DIP2C: variants seen among roughly 807,000 people sequenced by gnomAD.
DIP2C encodes DIP2 acetate--CoA ligase C (putative), also known as disco-interacting protein 2 homolog C.
In DIP2C, 33 loss-of-function variants were observed where a neutral mutation model predicts 192.4. That is an observed-to-expected ratio of 0.17 (90% CI 0.13 to 0.23). The LOEUF (loss-of-function observed/expected upper bound fraction) is 0.23. DIP2C is among the 10% of genes least tolerant of loss of function. The probability of loss-of-function intolerance (pLI) is 1.00; values close to 1 mark genes in which losing one functional copy is unlikely to be tolerated. For missense variants in DIP2C, 1,537 were observed against 2,110.1 expected (o/e 0.73, Z 5.32); for synonymous variants, 979 against 864.1 (o/e 1.13, Z -2.33).
At chr10:489,601 A>G (rs145472675) in intron 1 of DIP2C, among the ~76,000 whole-genome samples, 3,246 of 138,490 alleles carry the variant, frequency 0.023, 97 homozygotes, top group African/African-American at 0.077. Flanking sequence ...CTAGGGACAC[A>G]GTGGCTCTGA....
chr10:458,719 G>GC (rs1383418486), intron 3 of DIP2C, among the ~76,000 whole-genome samples: 5 of 150,552 alleles, frequency 3.3e-5, no homozygotes, highest in African/African-American at 1.2e-4. Context: ...ACCCATGACA[G>GC]CAAGGAGGAT....
chr10:321,429 C>G (rs945341567), intron 31 of DIP2C, among the ~76,000 whole-genome samples: 5 of 152,270 alleles, frequency 3.3e-5, no homozygotes, highest in African/African-American at 7.2e-5. Context: ...CTCTTTTGGA[C>G]AATGTTCTTT....
At chr10:536,611 G>C (rs1291973682) in intron 1 of DIP2C, among the ~76,000 whole-genome samples, 1 of 152,206 alleles carries the variant, frequency 6.6e-6, no homozygotes, top group Non-Finnish European at 1.5e-5. Flanking sequence ...TTTAATACCA[G>C]GAGCCGGACA....
intron 1 of DIP2C, among the ~76,000 whole-genome samples, chr10:494,448 C>T (rs1844669346): frequency 6.6e-6 from 1 of 152,244 alleles, no homozygotes; most frequent in South Asian, 2.1e-4. Context: ...CACCCAGAGT[C>T]TGACTTTAAG....
At chr10:481,134 C>A (rs190145106) in intron 2 of DIP2C, among the ~76,000 whole-genome samples, 1 of 152,208 alleles carries the variant, frequency 6.6e-6, no homozygotes, top group Non-Finnish European at 1.5e-5. Flanking sequence ...GAATACGGAC[C>A]CACTGCGCAC....
chr10:636,542 C>T lies in DIP2C; in HGVS notation c.85+52952G>A, dbSNP rs1854855988. Among the ~76,000 whole-genome samples the T allele has an allele frequency of 6.6e-6, 1 of 152,186 alleles. No individual in the cohort carries two copies. The highest frequency in any genetic ancestry group is 1.9e-4 in the East Asian group (1 of 5,188). On this transcript the variant is annotated intron_variant, in intron 1 of 36. Transcript: ENST00000280886. The surrounding 1 kb of genome is among the most constrained non-coding windows in gnomAD (Gnocchi z 4.6). ...TTCCCTAAGAATAAAGGACCCTCTGCAGCCGCAGAACCATCATCGGCAGAC... is the reference window on the plus strand; with the variant it reads ...TTCCCTAAGAATAAAGGACCCTCTGTAGCCGCAGAACCATCATCGGCAGAC...
chr10:408,059 T>C (rs1964932514), intron 9 of DIP2C, among the ~76,000 whole-genome samples: 1 of 151,976 alleles, frequency 6.6e-6, no homozygotes, highest in Non-Finnish European at 1.5e-5. Context: ...TATGTTTTCT[T>C]CTAGGTTTTG....
intron 1 of DIP2C, among the ~76,000 whole-genome samples, chr10:549,326 C>G (rs1848470475): frequency 6.6e-6 from 1 of 152,194 alleles, no homozygotes; most frequent in Non-Finnish European, 1.5e-5. Context: ...ACACAGCACC[C>G]TTTGGAGCAG....
At chr10:521,708 T>C (rs1202709294) in intron 1 of DIP2C, among the ~76,000 whole-genome samples, 2 of 152,244 alleles carry the variant, frequency 1.3e-5, no homozygotes, top group African/African-American at 4.8e-5. Context: ...ATCCTGAATG[T>C]AGAACACAGG....
At chr10:548,631 G>A (rs951783435) in intron 1 of DIP2C, among the ~76,000 whole-genome samples, 1 of 150,230 alleles carries the variant, frequency 6.7e-6, no homozygotes, top group Non-Finnish European at 1.5e-5. Flanking sequence ...TGGTGTGGTG[G>A]GGGGAGGAGA....
intron 1 of DIP2C, among the ~76,000 whole-genome samples, chr10:629,177 G>A (rs1338524847): frequency 6.6e-6 from 1 of 152,228 alleles, no homozygotes; most frequent in African/African-American, 2.4e-5. Flanking sequence ...TGGCGGTGGA[G>A]ACACACGGTT....
At chr10:555,173 A>C (rs1022382488) in intron 1 of DIP2C, among the ~76,000 whole-genome samples, 1 of 147,412 alleles carries the variant, frequency 6.8e-6, no homozygotes, top group Non-Finnish European at 1.5e-5. Flanking sequence ...AATTTAGTTT[A>C]TGTTTTCTTC....
Position 481,129 on chromosome 10 carries a change from C to T in DIP2C, c.157+5330G>A, listed in dbSNP as rs186444593. On this transcript the variant is annotated intron_variant, in intron 2 of 36. Coordinates refer to ENST00000280886, the MANE Select transcript of DIP2C (RefSeq NM_014974.3). The stretch of plus-strand genomic sequence containing the variant: ...TAACTCTCATGGCACAACAAGAATA[C>T]GGACCCACTGCGCACCTGCCCCGGG... Among the ~76,000 whole-genome samples the T allele has an allele frequency of 3.3e-5, 5 of 152,252 alleles. No homozygotes were observed. The East Asian group carries it at 7.7e-4, about 24-fold the overall frequency.
At chr10:583,795 A>G (rs992935804) in intron 1 of DIP2C, among the ~76,000 whole-genome samples, 2 of 152,186 alleles carry the variant, frequency 1.3e-5, no homozygotes, top group African/African-American at 4.8e-5. Context: ...ATCGCTCCAA[A>G]ACAAAAACAC....
chr10:281,460 GT>G (rs1159671527), intron 35 of DIP2C, 137 bp from the exon 36 acceptor site: 18 of 1,282,794 alleles, frequency 1.4e-5, no homozygotes, highest in Non-Finnish European at 1.9e-5. Flanking sequence ...ATCCAGGGAC[GT>G]TTGTTTCCTT....
chr10:502,814 G>T (rs1475322978), intron 1 of DIP2C, among the ~76,000 whole-genome samples: 2 of 152,090 alleles, frequency 1.3e-5, no homozygotes. Flanking sequence ...ACTGAAGAAA[G>T]AAAGGAAAGA....
intron 14 of DIP2C, 134 bp from the exon 15 acceptor site, chr10:384,773 C>T: frequency 1.2e-6 from 1 of 826,004 alleles, no homozygotes. Context: ...ACCATGCACA[C>T]AGGCCCCTGG....
intron 4 of DIP2C, among the ~76,000 whole-genome samples, chr10:434,247 A>G (rs1045881093): frequency 6.6e-6 from 1 of 152,196 alleles, no homozygotes; most frequent in African/African-American, 2.4e-5. Context: ...TAAGAAAAAT[A>G]AAAGTTTTTC....
intron 1 of DIP2C, among the ~76,000 whole-genome samples, chr10:626,841 T>G (rs998340958): frequency 2.0e-5 from 3 of 152,212 alleles, no homozygotes; most frequent in African/African-American, 7.2e-5. Flanking sequence ...CCAAAATGTT[T>G]TTTTCACTAC....
Sources: gnomAD v4.1 joint callset for allele counts (sites outside exome capture counted in the v4.1 genomes callset) on GRCh38, gnomAD v4.1.1 for gene constraint, Gnocchi (gnomAD v3.1) non-coding constraint, MANE v1.5 for transcripts, NCBI Gene and HGNC (gene_info 2026-07-23, HGNC 2026-07-21) for gene names.